Variants in DNAH6 observed in about 807,000 individuals in gnomAD.
DNAH6 encodes axonemal beta dynein heavy chain 6.
DNAH6 carries 340 observed loss-of-function variants against 491.4 expected under a neutral mutation model. That is an observed-to-expected ratio of 0.69 (90% confidence interval 0.63 to 0.76). The LOEUF (loss-of-function observed/expected upper bound fraction) is 0.76. DNAH6 is among the 30% of genes least tolerant of loss of function. The pLI is 0.00. For synonymous variants in DNAH6, 1,603 were observed against 1,686.1 expected, an observed-to-expected ratio of 0.95 and a Z score of 1.21; for missense variants, 4,443 against 4,972.2, an observed-to-expected ratio of 0.89 and a Z score of 3.20.
chr2:84,815,376 G>GAAAAAAAAAAAAA (rs568105223), intron 75 of DNAH6, among the ~76,000 whole-genome samples: 1 of 126,342 alleles, frequency 7.9e-6, no homozygotes. Flanking sequence ...CCCACAATTG[G>GAAAAAAAAAAAAA]AAAAAAAAAA....
rs759899365 is a variant in DNAH6 at position 84,517,968 on chromosome 2, A to G, written c.142A>G (p.Thr48Ala). ...GACATCCACAGAAAATGAATCTGAT[A>G]CACAAATCCTAACGTTTAGGCACAT... ...YVTSTENESDTQILTFRHITK... is the reference protein window; with the variant it reads ...YVTSTENESDAQILTFRHITK... Residue 48 changes from threonine to alanine, a missense_variant, in exon 2 of 77, where the codon ACA becomes GCA. This residue lies in a region of DNAH6 where 2,977 missense variants were observed against 3,296.6 expected (regional missense o/e 0.90). Coordinates refer to ENST00000389394, the MANE Select transcript of DNAH6 (RefSeq NM_001370.2). The G allele has an allele frequency of 3.6e-5, 56 of 1,551,962 alleles. No homozygotes were observed. In the South Asian group the frequency reaches 5.8e-4, roughly 16 times the overall value.
At chr2:84,506,289 G>A in the DNAH6 span, among the ~76,000 whole-genome samples, 3 of 152,182 alleles carry the variant, frequency 2.0e-5, no homozygotes, top group African/African-American at 7.2e-5. Context: ...TCTCATTGTG[G>A]TTTTGATTTG....
intron 5 of DNAH6, among the ~76,000 whole-genome samples, chr2:84,545,885 A>G (rs56218052): frequency 0.012 from 1,766 of 152,204 alleles, 20 homozygotes; most frequent in Non-Finnish European, 0.016. Flanking sequence ...ACCCGTGCCT[A>G]TGTCATTCCC....
At chr2:84,606,170 C>T (rs72941065) in intron 20 of DNAH6, among the ~76,000 whole-genome samples, 6,170 of 152,240 alleles carry the variant, frequency 0.041, 406 homozygotes, top group African/African-American at 0.14. Flanking sequence ...GCAAAGGGAG[C>T]TGGGTCACAT....
At chr2:84,624,441 A>G in intron 27 of DNAH6, 24 bp from the exon 28 acceptor site, 1 of 1,550,184 alleles carries the variant, frequency 6.5e-7, no homozygotes, top group South Asian at 1.2e-5. Context: ...AAATTAGTGT[A>G]TCTAATATGT....
chr2:84,758,322 A>G (rs1674241526), intron 63 of DNAH6, among the ~76,000 whole-genome samples: 2 of 152,350 alleles, frequency 1.3e-5, no homozygotes, highest in African/African-American at 2.4e-5. Flanking sequence ...CAGCAAAGTA[A>G]AAAGCAAATG....
intron 68 of DNAH6, among the ~76,000 whole-genome samples, chr2:84,794,592 G>T (rs1357660745): frequency 6.6e-6 from 1 of 150,808 alleles, no homozygotes; most frequent in Non-Finnish European, 1.5e-5. Flanking sequence ...CACCATCACT[G>T]GCCATCAGAG....
intron 71 of DNAH6, 148 bp downstream of exon 71, chr2:84,805,942 A>T (rs776775912): frequency 7.5e-6 from 5 of 665,390 alleles, no homozygotes; most frequent in South Asian, 4.9e-5. Flanking sequence ...CTTCATTTAT[A>T]GACTAGAAGC....
At chr2:84,639,367 C>CT (rs1476999698) in intron 31 of DNAH6, among the ~76,000 whole-genome samples, 2 of 150,618 alleles carry the variant, frequency 1.3e-5, no homozygotes, top group African/African-American at 4.9e-5. Context: ...CTTCTGAGTG[C>CT]TATTCCTATT....
chr2:84,774,361 A>G (rs1675922189), intron 64 of DNAH6, among the ~76,000 whole-genome samples: 1 of 152,118 alleles, frequency 6.6e-6, no homozygotes, highest in Non-Finnish European at 1.5e-5. Flanking sequence ...TTTGTCAAAG[A>G]TGAGATGACT....
rs1039760452 is a variant in DNAH6 at position 84,619,701 on chromosome 2, A to C, written c.3589A>C (p.Asn1197His). The part of the protein sequence containing the change: ...VIFPRFYFLS[N>H]DELLEILAQT... ...TTAATCCAGGTTTTACTTCTTGTCAAATGATGAACTTCTGGAGATTTTGGC... is the reference window on the plus strand; with the variant it reads ...TTAATCCAGGTTTTACTTCTTGTCACATGATGAACTTCTGGAGATTTTGGC... The change falls in exon 24 of 77, where the codon AAT (asparagine) becomes CAT (histidine). Residue 1197 changes from asparagine to histidine, a missense_variant. Coordinates refer to ENST00000389394, the MANE Select transcript of DNAH6 (RefSeq NM_001370.2). 2.6e-6 allele frequency: 4 copies of C among 1,551,274 alleles called. No homozygotes were observed. Among genetic ancestry groups the C allele is most frequent in the Non-Finnish European group, 3.5e-6 (4 of 1,146,696 alleles).
At chr2:84,819,196 G>A in intron 76 of DNAH6, 109 bp from the exon 77 acceptor site, 2 of 670,182 alleles carry the variant, frequency 3.0e-6, no homozygotes, top group South Asian at 2.0e-5. Flanking sequence ...CATCTTTAGG[G>A]GCAAGTCAGG....
chr2:84,744,533 G>A (rs1672788400), intron 62 of DNAH6, among the ~76,000 whole-genome samples: 1 of 152,122 alleles, frequency 6.6e-6, no homozygotes, highest in African/African-American at 2.4e-5. Context: ...TATTTATAGT[G>A]TTTGAATTAC....
chr2:84,725,643 A>G (rs1266749094), intron 60 of DNAH6, among the ~76,000 whole-genome samples: 2 of 152,212 alleles, frequency 1.3e-5, no homozygotes, highest in Non-Finnish European at 2.9e-5. Flanking sequence ...GCCCTAAAAT[A>G]TCTTGGGCTG....
At chr2:84,653,175 C>CAAACT in intron 33 of DNAH6, 144 bp from the exon 34 acceptor site, 1 of 730,462 alleles carries the variant, frequency 1.4e-6, no homozygotes, top group Non-Finnish European at 2.2e-6. Flanking sequence ...TGGTACAGCA[C>CAAACT]ATAGGACAAA....
intron 49 of DNAH6, among the ~76,000 whole-genome samples, 164 bp downstream of exon 49, chr2:84,701,503 G>C (rs891004474): frequency 1.3e-5 from 2 of 152,212 alleles, no homozygotes; most frequent in Non-Finnish European, 2.9e-5. Flanking sequence ...TAAGAAAAGA[G>C]ATGTAATTGG....
intron 2 of DNAH6, among the ~76,000 whole-genome samples, chr2:84,520,746 TC>T (rs1676054841): frequency 6.6e-6 from 1 of 152,112 alleles, no homozygotes; most frequent in Non-Finnish European, 1.5e-5. Flanking sequence ...ATGATCTTGT[TC>T]TTTTTTATGG....
At chr2:84,650,514 G>C (rs185939066) in intron 33 of DNAH6, among the ~76,000 whole-genome samples, 1 of 148,236 alleles carries the variant, frequency 6.7e-6, no homozygotes, top group Admixed American at 6.7e-5. Flanking sequence ...TTTTTTTTTG[G>C]CTGAGATGTC....
chr2:84,806,464 A>G (rs1213817516), intron 71 of DNAH6, among the ~76,000 whole-genome samples: 3 of 151,956 alleles, frequency 2.0e-5, no homozygotes, highest in Non-Finnish European at 4.4e-5. Context: ...CTAAAAATAC[A>G]AAAAATTAGC....
Sources: gnomAD v4.1 joint callset for allele counts (sites outside exome capture counted in the v4.1 genomes callset) on GRCh38, gnomAD v4.1.1 for gene constraint, gnomAD v4.1.1 regional missense constraint, MANE v1.5 for transcripts, NCBI Gene and HGNC (gene_info 2026-07-23, HGNC 2026-07-21) for gene names.